LRRTM4: variants seen among roughly 807,000 people sequenced by gnomAD.
LRRTM4 encodes leucine rich repeat transmembrane neuronal 4.
Under a neutral mutation model 47.6 loss-of-function variants are expected in LRRTM4, and 25 were observed. That is an observed-to-expected ratio of 0.53 (90% confidence interval 0.38 to 0.73). LRRTM4 has a LOEUF of 0.73. LRRTM4 is among the 30% of genes least tolerant of loss of function. The pLI is 0.00. For missense variants in LRRTM4, 638 were observed against 713.4 expected, an observed-to-expected ratio of 0.89 and a Z score of 1.20; for synonymous variants, 311 against 269.5, an observed-to-expected ratio of 1.15 and a Z score of -1.51.
At chr2:76,911,534 A>T (rs1255064710) in intron 3 of LRRTM4, among the ~76,000 whole-genome samples, 2 of 152,176 alleles carry the variant, frequency 1.3e-5, no homozygotes, top group Admixed American at 6.5e-5. Flanking sequence ...GTTCAAGATA[A>T]TGGCAGTGGG....
intron 3 of LRRTM4, among the ~76,000 whole-genome samples, chr2:76,953,171 A>T (rs1675554166): frequency 1.3e-5 from 2 of 149,876 alleles, no homozygotes; most frequent in Non-Finnish European, 3.0e-5. Context: ...AATAAAGTAA[A>T]AAAAAAAATA....
chr2:76,869,057 T>A (rs1672548181), intron 3 of LRRTM4, among the ~76,000 whole-genome samples: 1 of 152,098 alleles, frequency 6.6e-6, no homozygotes, highest in African/African-American at 2.4e-5. Context: ...ACGCATGTAA[T>A]CCCAGCACTT....
At chr2:76,762,054 A>G (rs978751565) in intron 3 of LRRTM4, among the ~76,000 whole-genome samples, 3 of 152,146 alleles carry the variant, frequency 2.0e-5, no homozygotes, top group East Asian at 1.9e-4. Context: ...TCGTCCACTC[A>G]CTCACCCCCA....
chr2:77,452,031 G>T (rs981954849), intron 3 of LRRTM4, among the ~76,000 whole-genome samples: 1 of 152,114 alleles, frequency 6.6e-6, no homozygotes, highest in South Asian at 2.1e-4. Flanking sequence ...TGTAGGTTGG[G>T]GTTGGAGGAG....
intron 3 of LRRTM4, among the ~76,000 whole-genome samples, chr2:77,495,593 G>C (rs1678331214): frequency 6.6e-6 from 1 of 151,904 alleles, no homozygotes; most frequent in Non-Finnish European, 1.5e-5. Flanking sequence ...AGTGATTTTT[G>C]CTTGATTTTG....
intron 3 of LRRTM4, among the ~76,000 whole-genome samples, chr2:77,490,909 C>T (rs1678128665): frequency 6.6e-6 from 1 of 151,854 alleles, no homozygotes; most frequent in African/African-American, 2.4e-5. Flanking sequence ...AAAAAGCAAA[C>T]TGAAAAATGT....
intron 3 of LRRTM4, among the ~76,000 whole-genome samples, chr2:76,908,616 C>G (rs1329192630): frequency 6.6e-6 from 1 of 152,122 alleles, no homozygotes; most frequent in African/African-American, 2.4e-5. Flanking sequence ...CCCAAAATCT[C>G]CTTAAGCTGA....
At chr2:77,410,301 A>C (rs1438033295) in intron 3 of LRRTM4, among the ~76,000 whole-genome samples, 2 of 152,170 alleles carry the variant, frequency 1.3e-5, no homozygotes, top group Non-Finnish European at 2.9e-5. Flanking sequence ...GACCAACCAC[A>C]TGAGTAGGGA....
At chr2:76,972,916 C>T (rs1203465672) in intron 3 of LRRTM4, among the ~76,000 whole-genome samples, 1 of 151,946 alleles carries the variant, frequency 6.6e-6, no homozygotes, top group South Asian at 2.1e-4. Context: ...AGGTTGTTAA[C>T]TCATAATTCT....
chr2:76,748,876 TCATAGCTGTAA>T lies in LRRTM4; in HGVS notation c.1581_1591del (p.Tyr527Ter). On this transcript the variant is annotated stop_gained and frameshift_variant, in exon 4 of 4. Coordinates refer to ENST00000409884, the MANE Select transcript of LRRTM4 (RefSeq NM_001134745.3). LOFTEE classifies it high-confidence loss of function. ...CTGGCAGTACCCGATCACAGGCTGG[TCATAGCTGTAA>T]TATGGCAAGGGCTTCATGTGGTGTG... The T allele has an allele frequency of 6.2e-7, 1 of 1,614,004 alleles. No homozygotes were observed. Among genetic ancestry groups the T allele is most frequent in the Non-Finnish European group, 8.5e-7 (1 of 1,179,886 alleles).
At chr2:77,340,146 G>A (rs1671318315) in intron 3 of LRRTM4, among the ~76,000 whole-genome samples, 1 of 151,732 alleles carries the variant, frequency 6.6e-6, no homozygotes, top group Admixed American at 6.6e-5. Flanking sequence ...TTTTCACTAG[G>A]TAATTAGATA....
chr2:77,209,618 A>G (rs538067463), intron 3 of LRRTM4, among the ~76,000 whole-genome samples: 4 of 152,304 alleles, frequency 2.6e-5, no homozygotes, highest in African/African-American at 7.2e-5. Flanking sequence ...CATGTTGTCA[A>G]CCTGCCCATA....
At chr2:77,402,252 C>T (rs1460736972) in intron 3 of LRRTM4, among the ~76,000 whole-genome samples, 3 of 151,862 alleles carry the variant, frequency 2.0e-5, no homozygotes, top group East Asian at 3.9e-4. Flanking sequence ...CTCAAAAGAT[C>T]CTTCCACATC....
chr2:77,474,628 A>T (rs953514775), intron 3 of LRRTM4, among the ~76,000 whole-genome samples: 3 of 152,156 alleles, frequency 2.0e-5, no homozygotes, highest in Non-Finnish European at 2.9e-5. Flanking sequence ...TGTTAAAAGA[A>T]AATTATAAAT....
At chr2:76,851,402 T>C (rs1241987457) in intron 3 of LRRTM4, among the ~76,000 whole-genome samples, 1 of 152,160 alleles carries the variant, frequency 6.6e-6, no homozygotes, top group Non-Finnish European at 1.5e-5. Context: ...CAAATGTAAT[T>C]TGGGTTTTTG....
chr2:77,372,307 T>C (rs1415516037), intron 3 of LRRTM4, among the ~76,000 whole-genome samples: 1 of 151,780 alleles, frequency 6.6e-6, no homozygotes, highest in African/African-American at 2.4e-5. Flanking sequence ...ACATGTGCCA[T>C]AGAAAATTGC....
intron 3 of LRRTM4, among the ~76,000 whole-genome samples, chr2:77,361,958 G>A (rs779610399): frequency 9.2e-5 from 14 of 151,974 alleles, no homozygotes; most frequent in Admixed American, 3.3e-4. Flanking sequence ...GGTGGCACAT[G>A]CCTGTAGTCC....
intron 3 of LRRTM4, among the ~76,000 whole-genome samples, chr2:76,991,677 A>G (rs1677015100): frequency 6.6e-6 from 1 of 151,710 alleles, no homozygotes; most frequent in African/African-American, 2.4e-5. Flanking sequence ...CTTGACCAGA[A>G]GGGCTCAGAG....
At chr2:77,265,618 A>C (rs183851717) in intron 3 of LRRTM4, among the ~76,000 whole-genome samples, 1 of 152,128 alleles carries the variant, frequency 6.6e-6, no homozygotes, top group African/African-American at 2.4e-5. Flanking sequence ...AGCACAAAAC[A>C]GACTAAGACA....
Sources: allele counts gnomAD v4.1 joint callset (sites outside exome capture counted in the v4.1 genomes callset), GRCh38; gene constraint gnomAD v4.1.1; transcripts MANE v1.5; gene names NCBI Gene and HGNC (gene_info 2026-07-23, HGNC 2026-07-21).